Variants in PTPRD observed in about 807,000 individuals in gnomAD.
PTPRD encodes receptor-type tyrosine-protein phosphatase delta.
Under a neutral mutation model 214.5 loss-of-function variants are expected in PTPRD, and 34 were observed. The ratio of observed to expected loss-of-function variants is 0.16; its 90% CI spans 0.12 to 0.21. The LOEUF is 0.21. Ranked by LOEUF, PTPRD falls within the 10% of genes least tolerant of loss-of-function variation. The pLI, the probability that PTPRD is intolerant of heterozygous loss-of-function variation, is 1.00. For synonymous variants in PTPRD, 1,128 were observed against 845.7 expected (o/e 1.33, Z -5.79); for missense variants, 2,545 against 2,398.7 (o/e 1.06, Z -1.27).
intron 30 of PTPRD, among the ~76,000 whole-genome samples, chr9:8,483,547 T>C (rs1300535912): frequency 6.6e-6 from 1 of 152,152 alleles, no homozygotes; most frequent in Admixed American, 6.5e-5. Context: ...GGTCAGGAGA[T>C]TGAGACCATC....
At chr9:9,983,926 T>G (rs573614352) in intron 4 of PTPRD, among the ~76,000 whole-genome samples, 50 of 152,154 alleles carry the variant, frequency 3.3e-4, no homozygotes, top group Non-Finnish European at 6.0e-4. Flanking sequence ...AATTACTCTC[T>G]AGTGCCCTCT....
At chr9:10,087,192 C>T (rs1357916423) in intron 3 of PTPRD, among the ~76,000 whole-genome samples, 5 of 149,766 alleles carry the variant, frequency 3.3e-5, no homozygotes, top group Admixed American at 1.3e-4. Context: ...ATAAAGACTT[C>T]GCAAAAAGTT....
At position 9,690,272 on chromosome 9, in the gene PTPRD, C is replaced by A. The variant is rs12553014; in HGVS notation, c.-287+44261G>T. On this transcript the variant is annotated intron_variant, in intron 7 of 45. Coordinates refer to ENST00000381196, the MANE Select transcript of PTPRD (RefSeq NM_002839.4). ...ATCACCTTTTTATATACCTGTTGGC[C>A]ATTTGTGTGTCTTCTTCTGAGAACT... is the stretch of plus-strand genomic sequence containing the variant. Among the ~76,000 whole-genome samples the A allele has an allele frequency of 8.9e-3, 1,345 of 151,874 alleles. 40 individuals carry two copies. The highest frequency in any genetic ancestry group is 0.08 in the East Asian group (414 of 5,144).
At chr9:10,581,170 G>C (rs1004037416) in intron 2 of PTPRD, among the ~76,000 whole-genome samples, 5 of 152,124 alleles carry the variant, frequency 3.3e-5, no homozygotes, top group East Asian at 1.9e-4. Flanking sequence ...AGAATTAATA[G>C]TTACTATCTA....
At chr9:10,166,529 T>A (rs557131276) in intron 3 of PTPRD, among the ~76,000 whole-genome samples, 1 of 152,136 alleles carries the variant, frequency 6.6e-6, no homozygotes, top group African/African-American at 2.4e-5. Context: ...TTTTGCTAAA[T>A]GCTTCTTCTC....
chr9:9,029,708 C>T (rs926160923), intron 10 of PTPRD, among the ~76,000 whole-genome samples: 32 of 151,620 alleles, frequency 2.1e-4, no homozygotes, highest in African/African-American at 6.8e-4. Flanking sequence ...CTGGAATGTA[C>T]GGTAGTGGTG....
chr9:10,469,518 A>C (rs1416305537), intron 2 of PTPRD, among the ~76,000 whole-genome samples: 1 of 152,146 alleles, frequency 6.6e-6, no homozygotes, highest in African/African-American at 2.4e-5. Context: ...ATTTTATGAA[A>C]CGTGAAAAGC....
intron 14 of PTPRD, among the ~76,000 whole-genome samples, chr9:8,620,139 C>T (rs764401634): frequency 1.3e-5 from 2 of 152,000 alleles, no homozygotes; most frequent in Non-Finnish European, 2.9e-5. Flanking sequence ...GCATTGAACG[C>T]TTGGTAATTA....
At chr9:8,338,405 A>C (rs1849052066) in intron 43 of PTPRD, among the ~76,000 whole-genome samples, 1 of 152,100 alleles carries the variant, frequency 6.6e-6, no homozygotes, top group African/African-American at 2.4e-5. Flanking sequence ...TAGCACACTG[A>C]GGAATAAGCC....
intron 2 of PTPRD, among the ~76,000 whole-genome samples, chr9:10,458,858 G>T (rs1240013487): frequency 6.6e-6 from 1 of 152,026 alleles, no homozygotes; most frequent in Admixed American, 6.6e-5. Context: ...AAATCAACAT[G>T]CAAAACATCA....
At chr9:8,844,740 T>C (rs1221947054) in intron 11 of PTPRD, among the ~76,000 whole-genome samples, 1 of 152,202 alleles carries the variant, frequency 6.6e-6, no homozygotes, top group Non-Finnish European at 1.5e-5. Context: ...CTATTCTATA[T>C]GCTAGGTCAC....
intron 9 of PTPRD, among the ~76,000 whole-genome samples, chr9:9,367,695 T>G (rs1416708856): frequency 6.6e-6 from 1 of 151,562 alleles, no homozygotes; most frequent in Non-Finnish European, 1.5e-5. Context: ...AGAGACGTGT[T>G]CGGACAAAAA....
intron 5 of PTPRD, among the ~76,000 whole-genome samples, chr9:9,929,124 ACT>A (rs1410103223): frequency 6.6e-6 from 1 of 152,128 alleles, no homozygotes; most frequent in East Asian, 1.9e-4. Flanking sequence ...TATGTCACTA[ACT>A]CTGTGATCCT....
At chr9:10,274,464 G>A (rs1240249071) in intron 3 of PTPRD, among the ~76,000 whole-genome samples, 1 of 152,060 alleles carries the variant, frequency 6.6e-6, no homozygotes, top group Non-Finnish European at 1.5e-5. Context: ...TAAATTCTTC[G>A]AGTTAAAAAA....
chr9:10,349,913 C>T (rs973237684), intron 2 of PTPRD, among the ~76,000 whole-genome samples: 2 of 152,190 alleles, frequency 1.3e-5, no homozygotes, highest in South Asian at 4.1e-4. Flanking sequence ...CGGCCCACCT[C>T]GTCCCCCAAA....
chr9:9,106,072 T>C (rs1166053173), intron 10 of PTPRD, among the ~76,000 whole-genome samples: 1 of 152,118 alleles, frequency 6.6e-6, no homozygotes, highest in African/African-American at 2.4e-5. Flanking sequence ...TTTCCAAAGG[T>C]TGAACATGGC....
At chr9:8,766,199 A>C (rs2094729039) in intron 11 of PTPRD, among the ~76,000 whole-genome samples, 2 of 151,854 alleles carry the variant, frequency 1.3e-5, no homozygotes, top group Non-Finnish European at 2.9e-5. Context: ...AAAAAAAAAA[A>C]AAAATCAATC....
At chr9:10,537,548 CTCTT>C (rs1420521912) in intron 2 of PTPRD, among the ~76,000 whole-genome samples, 1 of 152,102 alleles carries the variant, frequency 6.6e-6, no homozygotes, top group Non-Finnish European at 1.5e-5. Context: ...TACTTCAACT[CTCTT>C]TCTTTACATT....
chr9:8,387,554 T>C (rs12348495), intron 37 of PTPRD, among the ~76,000 whole-genome samples: 5,672 of 152,240 alleles, frequency 0.037, 337 homozygotes, highest in African/African-American at 0.13. Flanking sequence ...ACTGGGTAGG[T>C]TGGATTTACA....
Sources: gnomAD v4.1 joint callset for allele counts (sites outside exome capture counted in the v4.1 genomes callset) on GRCh38, gnomAD v4.1.1 for gene constraint, MANE v1.5 for transcripts, NCBI Gene and HGNC (gene_info 2026-07-23, HGNC 2026-07-21) for gene names.